CTNNBL1: variants seen among roughly 807,000 people sequenced by gnomAD.
CTNNBL1 encodes beta-catenin-like protein 1.
CTNNBL1 carries 31 observed loss-of-function variants against 72.7 expected under a neutral mutation model. The observed-to-expected ratio is 0.43, with a 90% CI of 0.32 to 0.58. The LOEUF (loss-of-function observed/expected upper bound fraction) is 0.58. Ranked by LOEUF, CTNNBL1 falls within the 20% of genes least tolerant of loss-of-function variation. The probability of loss-of-function intolerance (pLI) is 0.08; values close to 1 mark genes in which losing one functional copy is unlikely to be tolerated. For missense variants in CTNNBL1, 534 were observed against 725.1 expected (o/e 0.74, Z 3.03); for synonymous variants, 240 against 267.3 (o/e 0.90, Z 1.00).
intron 1 of CTNNBL1, 62 bp downstream of exon 1, chr20:37,694,214 A>G: frequency 6.8e-7 from 1 of 1,469,930 alleles, no homozygotes; most frequent in Non-Finnish European, 9.1e-7. Context: ...CGCAGGAGCC[A>G]GAGCCCTTTC....
At chr20:37,839,475 C>T (rs542158167) in intron 11 of CTNNBL1, among the ~76,000 whole-genome samples, 40 of 152,128 alleles carry the variant, frequency 2.6e-4, no homozygotes, top group Non-Finnish European at 4.6e-4. Context: ...CTTGAATTAC[C>T]CTCTTCTTCC....
chr20:37,776,783 G>A (rs962650883), intron 7 of CTNNBL1, among the ~76,000 whole-genome samples: 3 of 152,096 alleles, frequency 2.0e-5, no homozygotes, highest in Non-Finnish European at 4.4e-5. Context: ...CATATTTAAT[G>A]TGGTTTCTGT....
intron 1 of CTNNBL1, among the ~76,000 whole-genome samples, chr20:37,717,634 A>G (rs1279612848): frequency 6.9e-6 from 1 of 145,562 alleles, no homozygotes; most frequent in Admixed American, 6.8e-5. Flanking sequence ...TTTATTGATC[A>G]TTCTTGGGTG....
chr20:37,796,048 T>C (rs1214790320), intron 10 of CTNNBL1, among the ~76,000 whole-genome samples: 1 of 152,190 alleles, frequency 6.6e-6, no homozygotes, highest in Non-Finnish European at 1.5e-5. Context: ...CTATGGCTAA[T>C]AATGCCTCGC....
Position 37,738,493 on chromosome 20 carries a change from G to A in CTNNBL1, c.326+1009G>A, listed in dbSNP as rs111395998. 1.7e-3 allele frequency among the ~76,000 whole-genome samples: 258 copies of A among 152,028 alleles called. 1 individual carries two copies. The highest frequency in any genetic ancestry group is 3.8e-3 in the African/African-American group (158 of 41,304). On this transcript the variant is annotated intron_variant, in intron 3 of 15. Transcript: ENST00000361383. ...ACCAAGGGGACTTTCACATTTATAC[G>A]ATTTTAATGTTCTAAACCTCTCTTT...
At chr20:37,708,975 G>C (rs1600435148) in intron 1 of CTNNBL1, among the ~76,000 whole-genome samples, 2 of 152,002 alleles carry the variant, frequency 1.3e-5, no homozygotes, top group Non-Finnish European at 2.9e-5. Flanking sequence ...TGTCTCTACT[G>C]AAAATACAAA....
At chr20:37,713,694 G>T (rs2072960034) in intron 1 of CTNNBL1, among the ~76,000 whole-genome samples, 1 of 152,196 alleles carries the variant, frequency 6.6e-6, no homozygotes, top group African/African-American at 2.4e-5. Flanking sequence ...TATGGGCAGG[G>T]TGTCACAGGG....
At chr20:37,694,259 T>A (rs1429829516) in intron 1 of CTNNBL1, 107 bp downstream of exon 1, 3 of 990,040 alleles carry the variant, frequency 3.0e-6, no homozygotes, top group East Asian at 6.1e-5. Flanking sequence ...CCGGGCCCTC[T>A]AACTTCTCAT....
chr20:37,838,108 C>A (rs895311957), intron 11 of CTNNBL1, among the ~76,000 whole-genome samples: 2 of 152,122 alleles, frequency 1.3e-5, no homozygotes, highest in Admixed American at 6.5e-5. Context: ...TAATCTGCCG[C>A]GGAACATTTC....
chr20:37,864,423 C>T (rs988800783), intron 15 of CTNNBL1, among the ~76,000 whole-genome samples: 1 of 152,114 alleles, frequency 6.6e-6, no homozygotes, highest in Non-Finnish European at 1.5e-5. Context: ...CTTGAGGTCT[C>T]AGGAAAACGC....
chr20:37,794,457 C>G (rs987376634), intron 10 of CTNNBL1, among the ~76,000 whole-genome samples: 2 of 152,160 alleles, frequency 1.3e-5, no homozygotes, highest in Non-Finnish European at 2.9e-5. Context: ...GCTGGGATTA[C>G]AGGCATGCAC....
rs144638509 is a variant in CTNNBL1 at position 37,842,378 on chromosome 20, G to A, written c.1351G>A (p.Ala451Thr). Residue 451 changes from alanine to threonine, a missense_variant, in exon 13 of 16, where the codon GCA (alanine) becomes ACA (threonine). Coordinates refer to ENST00000361383, the MANE Select transcript of CTNNBL1 (RefSeq NM_030877.5). Reference protein sequence around the residue: ...LMELHFKYLGAMQVADKKIEG... With the variant: ...LMELHFKYLGTMQVADKKIEG... ...GGAGTTGCATTTTAAATATCTGGGT[G>A]CAATGCAGGTGGCGGACAAGAAGAT... The A allele has an allele frequency of 3.5e-5, 56 of 1,613,708 alleles. No homozygotes were observed. The highest frequency in any genetic ancestry group is 4.5e-5 in the Non-Finnish European group (53 of 1,179,712).
At chr20:37,805,208 A>G (rs1352187794) in intron 11 of CTNNBL1, among the ~76,000 whole-genome samples, 1 of 152,162 alleles carries the variant, frequency 6.6e-6, no homozygotes, top group Non-Finnish European at 1.5e-5. Flanking sequence ...TTCTCACGTA[A>G]GTGGGCCAGA....
At chr20:37,840,323 C>A in intron 12 of CTNNBL1, 124 bp downstream of exon 12, 1 of 692,150 alleles carries the variant, frequency 1.4e-6, no homozygotes. Context: ...GGCACCTGGG[C>A]CCTGTTGCTT....
intron 10 of CTNNBL1, among the ~76,000 whole-genome samples, chr20:37,800,800 T>C (rs2073817627): frequency 6.6e-6 from 1 of 152,190 alleles, no homozygotes. Flanking sequence ...TGATCGAAGC[T>C]AGGAACACTC....
intron 13 of CTNNBL1, among the ~76,000 whole-genome samples, chr20:37,848,142 C>T (rs2072362615): frequency 7.5e-6 from 1 of 132,748 alleles, no homozygotes; most frequent in Non-Finnish European, 1.6e-5. Context: ...CTTCCCACTG[C>T]CAGCTTTTTT....
intron 1 of CTNNBL1, chr20:37,694,992 G>A (rs1299942013): frequency 6.6e-6 from 1 of 152,218 alleles, no homozygotes. Context: ...CACATAGGCT[G>A]TTGATTGCTT....
intron 6 of CTNNBL1, among the ~76,000 whole-genome samples, chr20:37,766,927 C>T (rs890610129): frequency 1.3e-5 from 2 of 152,162 alleles, no homozygotes; most frequent in African/African-American, 4.8e-5. Context: ...TAGGAAATGG[C>T]AGAAAGTAAT....
chr20:37,857,770 A>G (rs1045278279), intron 13 of CTNNBL1, among the ~76,000 whole-genome samples: 3 of 152,220 alleles, frequency 2.0e-5, no homozygotes, highest in Non-Finnish European at 4.4e-5. Context: ...AAAGCTACCA[A>G]CAGAATTATG....
Sources: gnomAD v4.1 joint callset for allele counts (sites outside exome capture counted in the v4.1 genomes callset) on GRCh38, gnomAD v4.1.1 for gene constraint, MANE v1.5 for transcripts, NCBI Gene and HGNC (gene_info 2026-07-23, HGNC 2026-07-21) for gene names.